Variants in DNAH3 observed in about 807,000 individuals in gnomAD.
The protein encoded by DNAH3 is dynein axonemal heavy chain 3.
DNAH3 carries 332 observed loss-of-function variants against 432.5 expected under a neutral mutation model. The observed-to-expected ratio is 0.77, with a 90% CI of 0.70 to 0.84. The LOEUF (loss-of-function observed/expected upper bound fraction) is 0.84, where lower values mean the gene tolerates loss of function less well. Among genes scored for constraint, DNAH3 ranks in the 40% least tolerant of loss-of-function variants. The probability of loss-of-function intolerance (pLI) is 0.00; values close to 1 mark genes in which losing one functional copy is unlikely to be tolerated. For missense variants in DNAH3, 4,861 were observed against 5,114.0 expected (o/e 0.95, Z 1.51); for synonymous variants, 1,956 against 1,900.2 (o/e 1.03, Z -0.76).
chr16:21,057,982 T>C, intron 27 of DNAH3, 104 bp downstream of exon 27: 1 of 765,972 alleles, frequency 1.3e-6, no homozygotes, highest in Non-Finnish European at 2.3e-6. Flanking sequence ...TGAGACCAAA[T>C]GATTTTTGTT....
intron 5 of DNAH3, 115 bp downstream of exon 6, chr16:21,140,421 T>G (rs963351032): frequency 4.3e-5 from 48 of 1,122,164 alleles, no homozygotes; most frequent in Non-Finnish European, 6.1e-5. Flanking sequence ...GTCTAGACTT[T>G]GGTGTTTTTC....
intron 1 of DNAH3, among the ~76,000 whole-genome samples, chr16:21,156,359 G>A (rs968420587): frequency 2.6e-5 from 4 of 151,988 alleles, no homozygotes; most frequent in African/African-American, 9.7e-5. Context: ...AGCCTCCCAT[G>A]TAGCTGGGAC....
intron 41 of DNAH3, among the ~76,000 whole-genome samples, chr16:21,003,424 G>A (rs573477689): frequency 2.0e-5 from 3 of 152,272 alleles, no homozygotes; most frequent in African/African-American, 7.2e-5. Flanking sequence ...AAAAATGATA[G>A]GTGCTAATTA....
rs73536197 is a variant in DNAH3 at position 21,005,436 on chromosome 16, C to T, written c.6023-2229G>A. Among the ~76,000 whole-genome samples, 377 of 151,810 alleles carry T rather than the reference C, an allele frequency of 2.5e-3. 2 individuals are homozygous for T. The highest frequency in any genetic ancestry group is 8.3e-3 in the African/African-American group (344 of 41,366). On this transcript the variant is annotated intron_variant, in intron 41 of 61. Coordinates refer to ENST00000261383, the Ensembl canonical transcript of DNAH3. ...ACTCATTGCCTAAGTCAAAGTGGTG[C>T]AGTGGTGCAATCACAATTCACTACA...
chr16:21,006,535 G>A (rs1165501803), intron 41 of DNAH3, among the ~76,000 whole-genome samples: 3 of 152,004 alleles, frequency 2.0e-5, no homozygotes, highest in Non-Finnish European at 4.4e-5. Context: ...CCTCTTAGCC[G>A]TCACCTGCCA....
At chr16:21,053,804 T>C (rs2090039705) in intron 28 of DNAH3, among the ~76,000 whole-genome samples, 1 of 151,844 alleles carries the variant, frequency 6.6e-6, no homozygotes, top group Non-Finnish European at 1.5e-5. Context: ...GGTGGTTTGT[T>C]TTATATAAAG....
chr16:21,102,690 C>T (rs1369049580), intron 16 of DNAH3, among the ~76,000 whole-genome samples: 1 of 152,186 alleles, frequency 6.6e-6, no homozygotes, highest in African/African-American at 2.4e-5. Flanking sequence ...TGCACATGTA[C>T]TCCTGAACCT....
intron 36 of DNAH3, among the ~76,000 whole-genome samples, chr16:21,033,014 T>C (rs1597194349): frequency 6.6e-6 from 1 of 152,154 alleles, no homozygotes; most frequent in African/African-American, 2.4e-5. Context: ...CAGGCTGCAA[T>C]TGCAGTGCAG....
At chr16:20,937,717 G>A (rs1340243500) in intron 59 of DNAH3, among the ~76,000 whole-genome samples, 2 of 151,614 alleles carry the variant, frequency 1.3e-5, no homozygotes, top group Admixed American at 6.6e-5. Context: ...GTAGAGACAA[G>A]GTCTCCCTAT....
chr16:20,984,801 G>A (rs1355426576), intron 48 of DNAH3, among the ~76,000 whole-genome samples: 3 of 152,024 alleles, frequency 2.0e-5, no homozygotes, highest in Admixed American at 1.3e-4. Context: ...GGAGGCAGAG[G>A]TTGCAGTGAG....
intron 44 of DNAH3, among the ~76,000 whole-genome samples, chr16:20,989,923 C>T (rs1348765098): frequency 1.3e-5 from 2 of 152,230 alleles, no homozygotes; most frequent in Non-Finnish European, 1.5e-5. Context: ...CAGGGCCGGC[C>T]GGCTGCTCCG....
In DNAH3 at chr16:21,019,934, C is replaced by G. The variant is rs2152709949; in HGVS notation, c.5777-65G>C. 3 of 1,577,280 alleles carry G rather than the reference C, an allele frequency of 1.9e-6. No individual in the cohort carries two copies. In the South Asian group the frequency reaches 3.6e-5, roughly 19 times the overall value. On this transcript the variant is annotated intron_variant, in intron 40 of 61. Coordinates refer to ENST00000261383, the Ensembl canonical transcript of DNAH3. ...ATGCCACAGATGTAAGGGCTGTGAA[C>G]TGGTTGGCTTTGCCTTTGAAGGGTC...
At chr16:21,067,769 T>TGGGGGGGG (rs2090613226) in intron 23 of DNAH3, among the ~76,000 whole-genome samples, 1 of 21,678 alleles carries the variant, frequency 4.6e-5, no homozygotes, top group African/African-American at 1.9e-4. Context: ...GGGGGGGGGG[T>TGGGGGGGG]GGGGAGGGAG....
At chr16:21,101,741 A>G (rs1305070048) in intron 16 of DNAH3, among the ~76,000 whole-genome samples, 1 of 152,222 alleles carries the variant, frequency 6.6e-6, no homozygotes, top group Non-Finnish European at 1.5e-5. Context: ...TTGACATCAG[A>G]GGGATGCAGC....
At chr16:20,974,579 G>GTTTTTTTTT (rs752437227) in intron 51 of DNAH3, among the ~76,000 whole-genome samples, 18 of 81,842 alleles carry the variant, frequency 2.2e-4, no homozygotes, top group East Asian at 1.7e-3. Flanking sequence ...GTTTTATAGT[G>GTTTTTTTTT]TTTTTTTTTT....
intron 19 of DNAH3, among the ~76,000 whole-genome samples, chr16:21,082,002 C>A (rs2091205955): frequency 6.6e-6 from 1 of 151,708 alleles, no homozygotes; most frequent in African/African-American, 2.4e-5. Flanking sequence ...CAGGCCCAAG[C>A]AATCCTCCCA....
At chr16:20,933,178 G>T (rs1387177526) in exon 62 of DNAH3, 2 of 1,613,628 alleles carry the variant, frequency 1.2e-6, no homozygotes, top group Admixed American at 1.7e-5. Context: ...GGCACAGTGA[G>T]GCCACCCCTC....
intron 37 of DNAH3, 74 bp downstream of exon 37, chr16:21,030,971 T>C (rs2088839028): frequency 6.7e-7 from 1 of 1,487,792 alleles, no homozygotes; most frequent in Non-Finnish European, 9.3e-7. Context: ...CTATATAGTT[T>C]TGATCAATCA....
chr16:21,062,707 G>A, intron 24 of DNAH3, 24 bp from the exon 25 acceptor site: 1 of 1,595,316 alleles, frequency 6.3e-7, no homozygotes, highest in Non-Finnish European at 8.6e-7. Flanking sequence ...AAGAAAGATG[G>A]TAACTGGAAC....
Sources: gnomAD v4.1 joint callset for allele counts (sites outside exome capture counted in the v4.1 genomes callset) on GRCh38, gnomAD v4.1.1 for gene constraint, MANE v1.5 for transcripts, NCBI Gene and HGNC (gene_info 2026-07-23, HGNC 2026-07-21) for gene names.